The following PRRC2C variants were observed in gnomAD, a reference collection of about 807,000 sequenced individuals.
The protein encoded by PRRC2C is proline rich coiled-coil 2C, also known as protein PRRC2C.
In PRRC2C, 72 loss-of-function variants were observed where a neutral mutation model predicts 317.2. That is an observed-to-expected ratio of 0.23 (90% CI 0.19 to 0.28). The LOEUF (loss-of-function observed/expected upper bound fraction) is 0.28, where lower values mean the gene tolerates loss of function less well. Ranked by LOEUF, PRRC2C falls within the 10% of genes least tolerant of loss-of-function variation. The probability of loss-of-function intolerance (pLI) is 1.00; values close to 1 mark genes in which losing one functional copy is unlikely to be tolerated. For missense variants in PRRC2C, 3,074 were observed against 3,459.7 expected, an observed-to-expected ratio of 0.89 and a Z score of 2.80; for synonymous variants, 1,296 against 1,205.9, an observed-to-expected ratio of 1.07 and a Z score of -1.55.
intron 1 of PRRC2C, among the ~76,000 whole-genome samples, chr1:171,492,367 C>T (rs931759752): frequency 2.4e-4 from 36 of 152,072 alleles, no homozygotes; most frequent in African/African-American, 6.8e-4. Context: ...TTATGACAAA[C>T]TTGAACATAG....
intron 24 of PRRC2C, among the ~76,000 whole-genome samples, chr1:171,574,428 G>A (rs1172428309): frequency 6.6e-6 from 1 of 152,142 alleles, no homozygotes; most frequent in African/African-American, 2.4e-5. Context: ...CTGAAACCAG[G>A]GGTCATAAAT....
Position 171,523,323 on chromosome 1 carries a change from C to A in PRRC2C, c.936C>A (p.Asn312Lys), listed in dbSNP as rs762500796. Reference protein sequence around the residue: ...SELKELDKFDNLDAEADEGWA... With the variant: ...SELKELDKFDKLDAEADEGWA... The stretch of plus-strand genomic sequence containing the variant: ...TGAAGGAGCTTGATAAATTTGATAA[C>A]CTAGATGCTGAAGCTGATGAAGGTT... The change falls in exon 8 of 35, where the codon AAC (asparagine) becomes AAA (lysine). Residue 312 changes from asparagine (N) to lysine (K), a missense_variant. Around this residue, in one of 11 missense-constraint regions of PRRC2C, gnomAD observed 50 missense variants for 88.3 expected, o/e 0.57. Transcript: ENST00000647382. 1.5e-5 allele frequency: 24 copies of A among 1,613,756 alleles called. No homozygotes were observed. The East Asian group carries it at 5.1e-4, about 34-fold the overall frequency.
intron 1 of PRRC2C, among the ~76,000 whole-genome samples, chr1:171,507,236 GA>G (rs1202370530): frequency 6.6e-6 from 1 of 152,156 alleles, no homozygotes; most frequent in Non-Finnish European, 1.5e-5. Flanking sequence ...ATAAAAAGAA[GA>G]AAAGATTTGT....
intron 18 of PRRC2C, among the ~76,000 whole-genome samples, chr1:171,552,247 G>T (rs1282716328): frequency 6.6e-6 from 1 of 152,068 alleles, no homozygotes; most frequent in Non-Finnish European, 1.5e-5. Context: ...GTTCACTCAT[G>T]ATTTGGCTCT....
chr1:171,588,927 C>T (rs1650707482), intron 33 of PRRC2C, among the ~76,000 whole-genome samples: 1 of 152,146 alleles, frequency 6.6e-6, no homozygotes, highest in Admixed American at 6.5e-5. Context: ...GCTTCTCTTC[C>T]CCTTGCTGAT....
At position 171,551,975 on chromosome 1, in the gene PRRC2C, G is replaced by A. The variant is rs1680331814; in HGVS notation, c.5127+1735G>A. ...TTTTTGGTTCCATATGAACTTTAAA[G>A]TAGTTTTTTCCAATTCTGTGAAGAA... On this transcript the variant is annotated intron_variant, in intron 18 of 34. Coordinates refer to ENST00000647382, the MANE Select transcript of PRRC2C (RefSeq NM_001387844.1). 1.3e-5 allele frequency among the ~76,000 whole-genome samples: 2 copies of A among 152,162 alleles called. 1 individual carries two copies. The highest frequency in any genetic ancestry group is 4.1e-4 in the South Asian group (2 of 4,832).
rs1433757371 is a variant in PRRC2C, at chr1:171,592,203, A to G, written c.*356A>G. 1 of 194,766 alleles carries G rather than the reference A, an allele frequency of 5.1e-6. No homozygotes were observed. The highest frequency in any genetic ancestry group is 1.1e-5 in the Non-Finnish European group (1 of 94,892). The allele number at this position is 194,766 out of a possible 1,614,324, so 12.1% of individuals were successfully genotyped here. ...AAAAATATAAGGAAAATAACACAGC[A>G]GAGGAATAGCTCAGCCTGAACAGTG... On this transcript the variant is annotated 3_prime_UTR_variant, in exon 35 of 35. Coordinates refer to ENST00000647382, the MANE Select transcript of PRRC2C (RefSeq NM_001387844.1).
At chr1:171,520,032 G>A (rs551031210) in intron 6 of PRRC2C, among the ~76,000 whole-genome samples, 25 of 152,120 alleles carry the variant, frequency 1.6e-4, no homozygotes, top group South Asian at 1.2e-3. Flanking sequence ...GCACCATCTC[G>A]GCTCACTGCA....
chr1:171,545,771 C>G (rs539179756), intron 17 of PRRC2C, 84 bp downstream of exon 17: 1 of 943,174 alleles, frequency 1.1e-6, no homozygotes, highest in East Asian at 3.6e-5. Context: ...AATGTAGATG[C>G]CACAATTAAA....
chr1:171,550,053 G>A (rs1679912548), intron 17 of PRRC2C, 33 bp from the exon 18 acceptor site: 2 of 1,481,108 alleles, frequency 1.4e-6, no homozygotes, highest in South Asian at 1.4e-5. Context: ...TTGAAAAACA[G>A]AAAATATCTT....
At chr1:171,577,265 T>C (rs1647250542) in intron 25 of PRRC2C, among the ~76,000 whole-genome samples, 169 bp from the exon 26 acceptor site, 1 of 152,246 alleles carries the variant, frequency 6.6e-6, no homozygotes, top group South Asian at 2.1e-4. Context: ...CATTTGGTGA[T>C]AATTACCTTT....
intron 15 of PRRC2C, among the ~76,000 whole-genome samples, chr1:171,539,387 T>C (rs1677511134): frequency 6.6e-6 from 1 of 152,254 alleles, no homozygotes; most frequent in Non-Finnish European, 1.5e-5. Context: ...TGGTACCATG[T>C]AGTTAACTGT....
At position 171,557,503 on chromosome 1, in the gene PRRC2C, C is replaced by T; in HGVS notation, c.5391C>T (p.Ala1797=). ...VPASTLAPVL[A]STSAPVPASP... The stretch of plus-strand genomic sequence containing the variant: ...CCTCAACTTTAGCTCCAGTTCTGGC[C>T]TCAACCTCAGCTCCAGTTCCAGCCT... Residue 1797 remains alanine, a synonymous_variant, in exon 19 of 35, where the codon GCC becomes GCT. Coordinates refer to ENST00000647382, the MANE Select transcript of PRRC2C (RefSeq NM_001387844.1). 1 of 1,551,520 alleles carries T rather than the reference C, an allele frequency of 6.4e-7. No homozygotes were observed. Among genetic ancestry groups the T allele is most frequent in the Non-Finnish European group, 8.7e-7 (1 of 1,146,950 alleles).
intron 10 of PRRC2C, among the ~76,000 whole-genome samples, chr1:171,526,582 C>T (rs1037528106): frequency 6.6e-6 from 1 of 151,976 alleles, no homozygotes; most frequent in African/African-American, 2.4e-5. Context: ...AAATGACCCA[C>T]CCGCCTCAGC....
At chr1:171,503,982 C>T (rs1413258444) in intron 1 of PRRC2C, among the ~76,000 whole-genome samples, 1 of 152,154 alleles carries the variant, frequency 6.6e-6, no homozygotes, top group East Asian at 1.9e-4. Context: ...GATTCAGTTA[C>T]CTTCCACCGA....
At chr1:171,492,166 G>A (rs1667270151) in intron 1 of PRRC2C, among the ~76,000 whole-genome samples, 1 of 152,122 alleles carries the variant, frequency 6.6e-6, no homozygotes, top group African/African-American at 2.4e-5. Context: ...CCACAACTAG[G>A]ATACAGAATG....
In PRRC2C at chr1:171,540,496, A is replaced by G. The variant is rs1391275601; in HGVS notation, c.3030A>G (p.Arg1010=). The G allele has an allele frequency of 6.2e-7, 1 of 1,613,124 alleles. No individual in the cohort carries two copies. Among genetic ancestry groups the G allele is most frequent in the Admixed American group, 1.7e-5 (1 of 59,784 alleles). The change falls in exon 16 of 35, where the codon AGA becomes AGG. Residue 1010 remains arginine (R), a synonymous_variant. Coordinates refer to ENST00000647382, the MANE Select transcript of PRRC2C (RefSeq NM_001387844.1). ...SSNRREEVND[R]PVRRSGPIKK... is the part of the protein sequence containing the mutation. ...ACAGAAGGGAAGAAGTTAATGATAG[A>G]CCTGTGAGAAGATCAGGTCCCATTA...
Position 171,541,601 on chromosome 1 carries a change from C to G in PRRC2C, c.4135C>G (p.Pro1379Ala). Residue 1379 changes from proline (P) to alanine (A), a missense_variant, in exon 16 of 35, where the codon CCA (proline) becomes GCA (alanine). By Grantham distance (27) the Pro-to-Ala change is conservative. This residue lies in a region of PRRC2C where 1,320 missense variants were observed against 1,395.7 expected (regional missense o/e 0.95). Transcript: ENST00000647382. This position sits in a 1 kb window ranked among gnomAD's most constrained non-coding sequence, Gnocchi z 4.1. Reference sequence around the variant, plus strand: ...AGCTTATCGGGACAATCAGTGGAACCCAAGGCAGTCAGAAGTTCCTAAACC... The same window carrying G: ...AGCTTATCGGGACAATCAGTGGAACGCAAGGCAGTCAGAAGTTCCTAAACC... ...RPAYRDNQWN[P>A]RQSEVPKPED... 6.2e-7 allele frequency: 1 copy of G among 1,613,694 alleles called. No individual in the cohort carries two copies. Among genetic ancestry groups the G allele is most frequent in the South Asian group, 1.1e-5 (1 of 91,058 alleles).
chr1:171,571,970 AT>A (rs1361154910), intron 24 of PRRC2C, among the ~76,000 whole-genome samples: 1 of 151,836 alleles, frequency 6.6e-6, no homozygotes, highest in Non-Finnish European at 1.5e-5. Context: ...GACAAAAGAG[AT>A]TCAGCGCTTT....
Sources: allele counts gnomAD v4.1 joint callset (sites outside exome capture counted in the v4.1 genomes callset), GRCh38; gene constraint gnomAD v4.1.1; regional missense constraint gnomAD v4.1.1; non-coding constraint Gnocchi (gnomAD v3.1); transcripts MANE v1.5; gene names NCBI Gene and HGNC (gene_info 2026-07-23, HGNC 2026-07-21).